Variants in CLIC2 observed in about 807,000 individuals in gnomAD.
The protein encoded by CLIC2 is CLIC family member 2.
A neutral mutation model predicts 14.8 loss-of-function variants in CLIC2; 9 were observed. That is an observed-to-expected ratio of 0.61 (90% confidence interval 0.37 to 1.06). The LOEUF is 1.06. Ranked by LOEUF, CLIC2 falls within the 50% of genes least tolerant of loss-of-function variation. The probability of loss-of-function intolerance (pLI) is 0.01; values close to 1 mark genes in which losing one functional copy is unlikely to be tolerated. For missense variants in CLIC2, 148 were observed against 181.4 expected, an observed-to-expected ratio of 0.82 and a Z score of 1.06; for synonymous variants, 61 against 66.3, an observed-to-expected ratio of 0.92 and a Z score of 0.39.
At chrX:155,320,310 T>A (rs954627256) in intron 1 of CLIC2, among the ~76,000 whole-genome samples, 1 of 111,704 alleles carries the variant, frequency 9.0e-6, no homozygotes. Context: ...ACAAGAGAGC[T>A]CCAGCTGGCA....
intron 3 of CLIC2, among the ~76,000 whole-genome samples, chrX:155,296,149 T>C (rs1557318309): frequency 8.9e-6 from 1 of 111,996 alleles, no homozygotes; most frequent in Non-Finnish European, 1.9e-5. Context: ...AAATAGCATG[T>C]TATGGTATAA....
chrX:155,311,009 A>T (rs994860183), intron 1 of CLIC2, among the ~76,000 whole-genome samples: 23 of 111,997 alleles, frequency 2.1e-4, no homozygotes, highest in Non-Finnish European at 3.9e-4. Context: ...CGCCCAGCCC[A>T]CAGAATCATT....
intron 1 of CLIC2, among the ~76,000 whole-genome samples, chrX:155,323,712 T>C (rs1382425355): frequency 2.7e-5 from 3 of 111,914 alleles, no homozygotes; most frequent in Admixed American, 1.9e-4. Context: ...AAATAAAGCA[T>C]ATACAAATAG....
chrX:155,331,034 A>C (rs1557322775), intron 1 of CLIC2, among the ~76,000 whole-genome samples: 2 of 111,242 alleles, frequency 1.8e-5, no homozygotes, highest in African/African-American at 6.5e-5. Flanking sequence ...TGACAAAGAA[A>C]ATGATATTGT....
At chrX:155,280,093 A>T (rs368841673) in intron 3 of CLIC2, 25 bp from the exon 4 acceptor site, 2 of 1,029,111 alleles carry the variant, frequency 1.9e-6, no homozygotes. Context: ...TGCGTCAACT[A>T]TCATTTGCAC....
At position 155,334,400 on chromosome X, in the gene CLIC2, C is replaced by G. The variant is rs1049847115; in HGVS notation, c.28G>C (p.Val10Leu). The G allele has an allele frequency of 6.6e-6, 8 of 1,208,609 alleles. No homozygotes were observed. The highest frequency in any genetic ancestry group is 9.0e-6 in the Non-Finnish European group (8 of 893,698). Residue 10 changes from valine (V) to leucine (L), a missense_variant, in exon 1 of 6, where the codon GTG (valine) becomes CTG (leucine). Transcript: ENST00000369449. MSGLRPGTQ[V>L]DPEIELFVKA... ...ACAAAAAGCTCAATCTCAGGGTCCA[C>G]TTGAGTGCCGGGCCGCAGGCCTGAC...
At chrX:155,327,533 T>A (rs1462883509) in intron 1 of CLIC2, among the ~76,000 whole-genome samples, 1 of 111,148 alleles carries the variant, frequency 9.0e-6, no homozygotes, top group Non-Finnish European at 1.9e-5. Flanking sequence ...ATGTCCTTTA[T>A]AGGAACATGA....
At chrX:155,301,395 A>G (rs1267238442) in intron 1 of CLIC2, among the ~76,000 whole-genome samples, 1 of 110,874 alleles carries the variant, frequency 9.0e-6, no homozygotes, top group Non-Finnish European at 1.9e-5. Context: ...TTGTTGGTGT[A>G]TAAGAATGCC....
At chrX:155,304,777 T>G (rs1441021859) in intron 1 of CLIC2, among the ~76,000 whole-genome samples, 10 of 76,570 alleles carry the variant, frequency 1.3e-4, no homozygotes, top group Non-Finnish European at 2.3e-4. Flanking sequence ...GTCATTTCTG[T>G]TTGTTAGTTT....
chrX:155,308,130 T>C (rs782660794), intron 1 of CLIC2, among the ~76,000 whole-genome samples: 2 of 109,579 alleles, frequency 1.8e-5, no homozygotes, highest in African/African-American at 6.7e-5. Flanking sequence ...AGACAAAGAT[T>C]CAAAATAACT....
rs782600567 is a variant in CLIC2 at position 155,281,658 on chromosome X, C to T, written c.294-1590G>A. On this transcript the variant is annotated intron_variant, in intron 3 of 5. Coordinates refer to ENST00000369449, the MANE Select transcript of CLIC2 (RefSeq NM_001289.6). The stretch of plus-strand genomic sequence containing the variant: ...TCAAAATGTATCCAGAATCTGTCCA[C>T]CCCCGCGCCCCTGCCCAGTCCAAAG... Among the ~76,000 whole-genome samples, 3 of 111,007 alleles carry T rather than the reference C, an allele frequency of 2.7e-5. No individual in the cohort carries two copies. The Admixed American group carries it at 2.9e-4, about 11-fold the overall frequency.
intron 1 of CLIC2, among the ~76,000 whole-genome samples, chrX:155,327,393 C>A (rs1476034155): frequency 9.0e-6 from 1 of 111,037 alleles, no homozygotes; most frequent in Non-Finnish European, 1.9e-5. Flanking sequence ...GCATAAGAGG[C>A]TATACACATA....
chrX:155,295,577 T>C (rs1007371788), intron 3 of CLIC2, among the ~76,000 whole-genome samples: 1 of 110,676 alleles, frequency 9.0e-6, no homozygotes, highest in Non-Finnish European at 1.9e-5. Flanking sequence ...GGAAGTAAAA[T>C]TGTCCCTTTT....
chrX:155,324,236 T>C, intron 1 of CLIC2, among the ~76,000 whole-genome samples: 1 of 112,265 alleles, frequency 8.9e-6, no homozygotes, highest in Non-Finnish European at 1.9e-5. Context: ...TTTAAAAACC[T>C]ACTTTAAATT....
intron 1 of CLIC2, among the ~76,000 whole-genome samples, chrX:155,312,122 T>C (rs1308485803): frequency 2.7e-5 from 3 of 112,199 alleles, no homozygotes; most frequent in Non-Finnish European, 3.8e-5. Flanking sequence ...GTTGTCTGTT[T>C]ACTGTGTTGA....
At chrX:155,303,970 C>T (rs1236130725) in intron 1 of CLIC2, among the ~76,000 whole-genome samples, 2 of 106,885 alleles carry the variant, frequency 1.9e-5, no homozygotes, top group East Asian at 3.0e-4. Flanking sequence ...TGATGGGCTT[C>T]CCTTTGAGGG....
chrX:155,292,386 G>A (rs1225759157), intron 3 of CLIC2: 2 of 561,745 alleles, frequency 3.6e-6, no homozygotes, highest in Non-Finnish European at 6.5e-6. Flanking sequence ...TGAGTATTCT[G>A]TTATTCTACA....
At chrX:155,280,601 G>A (rs370042392) in intron 3 of CLIC2, among the ~76,000 whole-genome samples, 27 of 111,200 alleles carry the variant, frequency 2.4e-4, no homozygotes, top group Admixed American at 1.9e-3. Context: ...GCTGAGGCAG[G>A]AGAATTGCTT....
intron 1 of CLIC2, among the ~76,000 whole-genome samples, chrX:155,300,886 G>A (rs1270495818): frequency 3.7e-5 from 3 of 81,164 alleles, no homozygotes; most frequent in Admixed American, 1.4e-4. Context: ...TCAGATAGTT[G>A]TAGATATGCA....
Sources: gnomAD v4.1 joint callset for allele counts (sites outside exome capture counted in the v4.1 genomes callset) on GRCh38, gnomAD v4.1.1 for gene constraint, MANE v1.5 for transcripts, NCBI Gene and HGNC (gene_info 2026-07-23, HGNC 2026-07-21) for gene names.